Variants in SLIT2 observed in about 807,000 individuals in gnomAD.
SLIT2 encodes the protein slit homolog 2 protein.
In SLIT2, 41 loss-of-function variants were observed where a neutral mutation model predicts 185.7. The observed-to-expected ratio is 0.22, with a 90% CI of 0.17 to 0.29. The LOEUF is 0.29. Among genes scored for constraint, SLIT2 ranks in the 10% least tolerant of loss-of-function variants. SLIT2 has a pLI of 1.00. For missense variants in SLIT2, 1,571 were observed against 1,909.0 expected (o/e 0.82, Z 3.30); for synonymous variants, 693 against 680.2 (o/e 1.02, Z -0.29).
intron 6 of SLIT2, among the ~76,000 whole-genome samples, 168 bp from the exon 7 acceptor site, chr4:20,486,031 TA>T (rs2148788500): frequency 6.6e-6 from 1 of 152,316 alleles, no homozygotes; most frequent in African/African-American, 2.4e-5. Context: ...TATGTTAAAT[TA>T]TGAAATTATT....
At chr4:20,296,911 G>T (rs1469236949) in intron 4 of SLIT2, among the ~76,000 whole-genome samples, 1 of 152,164 alleles carries the variant, frequency 6.6e-6, no homozygotes, top group African/African-American at 2.4e-5. Context: ...GTGTGAAATT[G>T]CCCTTTCTTC....
At chr4:20,483,008 A>G (rs1017800972) in intron 6 of SLIT2, among the ~76,000 whole-genome samples, 32 of 152,000 alleles carry the variant, frequency 2.1e-4, no homozygotes, top group African/African-American at 7.2e-4. Flanking sequence ...GAGAGGTTGC[A>G]TGAAGAAGGG....
At chr4:20,288,463 A>G (rs1452733411) in intron 4 of SLIT2, among the ~76,000 whole-genome samples, 3 of 152,234 alleles carry the variant, frequency 2.0e-5, no homozygotes, top group Non-Finnish European at 4.4e-5. Flanking sequence ...GTGCATGACA[A>G]TGAGGAAATT....
In SLIT2 at chr4:20,253,884, G is replaced by A. The variant is rs35451935; in HGVS notation, c.69G>A (p.Val23=). Residue 23 remains valine (V), a synonymous_variant, in exon 1 of 37, where the codon GTG becomes GTA. Transcript: ENST00000504154. ...LGLVLAILNK[V]APQACPAQCS... ...TAGTGCTGGCGATCCTGAACAAGGT[G>A]GCACCGCAGGCGTGCCCGGCGCAGT... is the stretch of plus-strand genomic sequence containing the variant. The A allele has an allele frequency of 2.1e-3, 3,395 of 1,601,360 alleles. 49 individuals carry two copies. In the African/African-American group the frequency reaches 0.037, roughly 17 times the overall value.
intron 29 of SLIT2, among the ~76,000 whole-genome samples, chr4:20,584,640 A>G (rs1726894016): frequency 6.6e-6 from 1 of 152,238 alleles, no homozygotes; most frequent in South Asian, 2.1e-4. Flanking sequence ...AATCATTCCC[A>G]TTTAGAAGAG....
intron 4 of SLIT2, among the ~76,000 whole-genome samples, chr4:20,345,598 T>C (rs1409060023): frequency 1.3e-5 from 2 of 148,452 alleles, no homozygotes; most frequent in Non-Finnish European, 3.0e-5. Flanking sequence ...TGCAGTGGCG[T>C]GATCTTGGCT....
At chr4:20,551,001 T>C (rs55798019) in intron 25 of SLIT2, 103 bp downstream of exon 25, 15,083 of 598,954 alleles carry the variant, frequency 0.025, 277 homozygotes, top group Non-Finnish European at 0.031. Flanking sequence ...TCATAAGATG[T>C]AATTGGTTTC....
intron 9 of SLIT2, among the ~76,000 whole-genome samples, chr4:20,502,408 C>T (rs1360884065): frequency 6.6e-6 from 1 of 152,142 alleles, no homozygotes; most frequent in African/African-American, 2.4e-5. Context: ...TGAGTGCTTG[C>T]TCTGCATCAG....
At chr4:20,364,142 C>A in intron 4 of SLIT2, 1 of 354,054 alleles carries the variant, frequency 2.8e-6, no homozygotes, top group Non-Finnish European at 4.0e-6. Flanking sequence ...AGCTTGTGTG[C>A]AAATGATTTA....
chr4:20,525,229 A>G (rs1260345498), intron 15 of SLIT2, 57 bp downstream of exon 15: 1 of 1,309,518 alleles, frequency 7.6e-7, no homozygotes, highest in Non-Finnish European at 1.1e-6. Flanking sequence ...ACCTTATAAA[A>G]TATAGCTTCT....
intron 9 of SLIT2, among the ~76,000 whole-genome samples, chr4:20,505,868 A>T (rs1437966058): frequency 6.6e-6 from 1 of 152,088 alleles, no homozygotes; most frequent in Non-Finnish European, 1.5e-5. Context: ...TCGTGAAGAC[A>T]TGTATAATGA....
intron 4 of SLIT2, chr4:20,394,962 G>T (rs569373779): frequency 2.6e-5 from 4 of 152,076 alleles, no homozygotes; most frequent in East Asian, 1.9e-4. Context: ...TTTGTTGTTG[G>T]TGGTGGTGGC....
At chr4:20,410,742 T>C (rs1727186866) in intron 4 of SLIT2, among the ~76,000 whole-genome samples, 1 of 152,148 alleles carries the variant, frequency 6.6e-6, no homozygotes, top group African/African-American at 2.4e-5. Flanking sequence ...TGCAGTCTTA[T>C]TTCTGGGTTC....
chr4:20,370,070 C>T (rs1190484981), intron 4 of SLIT2, among the ~76,000 whole-genome samples: 1 of 152,044 alleles, frequency 6.6e-6, no homozygotes, highest in Non-Finnish European at 1.5e-5. Flanking sequence ...ATAAGATTGT[C>T]AGAGGGAGAG....
At chr4:20,569,416 G>A (rs893913103) in intron 29 of SLIT2, among the ~76,000 whole-genome samples, 5 of 151,932 alleles carry the variant, frequency 3.3e-5, no homozygotes, top group Non-Finnish European at 7.4e-5. Context: ...TTGTGTCTTC[G>A]CTAGTGAGTA....
At position 20,528,127 on chromosome 4, in the gene SLIT2, G is replaced by A. The variant is rs970239583; in HGVS notation, c.1463-822G>A. The A allele has an allele frequency of 2.4e-6, 1 of 412,566 alleles. No homozygotes were observed. Among genetic ancestry groups the A allele is most frequent in the African/African-American group, 2.1e-5 (1 of 47,190 alleles). 25.6% of individuals were successfully genotyped at this position (412,566 alleles called of 1,614,324 possible). Reference sequence around the variant, plus strand: ...TCTTTGTGTTTCCAGGAAATCATCGGTAGTAATACTCTTACTGTGGTCATA... The same window carrying A: ...TCTTTGTGTTTCCAGGAAATCATCGATAGTAATACTCTTACTGTGGTCATA... On this transcript the variant is annotated intron_variant, in intron 15 of 36. Coordinates refer to ENST00000504154, the MANE Select transcript of SLIT2 (RefSeq NM_004787.4). The surrounding 1 kb of genome is among the most constrained non-coding windows in gnomAD (Gnocchi z 4.2).
rs1712498892 is a variant in SLIT2, at chr4:20,261,748, G to A, written c.323+3809G>A. Among the ~76,000 whole-genome samples, 4 of 151,878 alleles carry A rather than the reference G, an allele frequency of 2.6e-5. No homozygotes were observed. In the South Asian group the frequency reaches 8.3e-4, roughly 31 times the overall value. On this transcript the variant is annotated intron_variant, in intron 3 of 36. Coordinates refer to ENST00000504154, the MANE Select transcript of SLIT2 (RefSeq NM_004787.4). Reference sequence around the variant, plus strand: ...TGAAATGCATATATGCCTAGGTTATGTTGGTAAGAATCAGTAGCATACTGT... The same window carrying A: ...TGAAATGCATATATGCCTAGGTTATATTGGTAAGAATCAGTAGCATACTGT...
chr4:20,535,650 A>G (rs1722204553), intron 18 of SLIT2, among the ~76,000 whole-genome samples: 1 of 152,118 alleles, frequency 6.6e-6, no homozygotes, highest in Non-Finnish European at 1.5e-5. Context: ...AAGTGCTGAC[A>G]GGGTGGGTTT....
At chr4:20,364,568 G>T (rs1184544882) in intron 4 of SLIT2, among the ~76,000 whole-genome samples, 1 of 151,924 alleles carries the variant, frequency 6.6e-6, no homozygotes, top group Non-Finnish European at 1.5e-5. Flanking sequence ...CTGCCATTTG[G>T]TGTAATTATA....
Sources: allele counts gnomAD v4.1 joint callset (sites outside exome capture counted in the v4.1 genomes callset), GRCh38; gene constraint gnomAD v4.1.1; non-coding constraint Gnocchi (gnomAD v3.1); transcripts MANE v1.5; gene names NCBI Gene and HGNC (gene_info 2026-07-23, HGNC 2026-07-21).